NFIA: variants seen among roughly 807,000 people sequenced by gnomAD.
NFIA encodes the protein nuclear factor 1 A-type.
In NFIA, 8 loss-of-function variants were observed where a neutral mutation model predicts 62.8. The ratio of observed to expected loss-of-function variants is 0.13; its 90% confidence interval spans 0.07 to 0.23. NFIA has a LOEUF of 0.23. NFIA is among the 10% of genes least tolerant of loss of function. The pLI is 1.00. For synonymous variants in NFIA, 235 were observed against 238.1 expected, an observed-to-expected ratio of 0.99 and a Z score of 0.12; for missense variants, 410 against 642.1, an observed-to-expected ratio of 0.64 and a Z score of 3.91.
At position 61,139,103 on chromosome 1, in the gene NFIA, G is replaced by A. The variant is rs185452547; in HGVS notation, c.559+50423G>A. Among the ~76,000 whole-genome samples, 315 of 152,210 alleles carry A rather than the reference G, an allele frequency of 2.1e-3. 2 individuals carry two copies. The highest frequency in any genetic ancestry group is 7.1e-3 in the African/African-American group (297 of 41,564). On this transcript the variant is annotated intron_variant, in intron 2 of 10. Coordinates refer to ENST00000403491, the MANE Select transcript of NFIA (RefSeq NM_001134673.4). The stretch of plus-strand genomic sequence containing the variant: ...TGAAGCACAAGAACTGCTTGAACCC[G>A]GGAGGCGGAGGTTGCAGTGAGCTAA...
intron 2 of NFIA, among the ~76,000 whole-genome samples, chr1:61,264,209 A>C (rs1316250489): frequency 6.6e-6 from 1 of 152,148 alleles, no homozygotes; most frequent in African/African-American, 2.4e-5. Flanking sequence ...TTGAAAAGTG[A>C]ATCAGAGTAA....
chr1:61,088,559 T>C lies in NFIA; in HGVS notation c.438T>C (p.Asp146=). 1.2e-6 allele frequency: 2 copies of C among 1,614,194 alleles called. No individual in the cohort carries two copies. The highest frequency in any genetic ancestry group is 1.7e-6 in the Non-Finnish European group (2 of 1,180,026). ...LFKGIPLEST[D]GERLVKSPQC... Reference sequence around the variant, plus strand: ...AAGGTATTCCGCTGGAAAGTACTGATGGCGAGCGCCTTGTAAAGTCCCCAC... The same window carrying C: ...AAGGTATTCCGCTGGAAAGTACTGACGGCGAGCGCCTTGTAAAGTCCCCAC... Residue 146 remains aspartate (D), a synonymous_variant, in exon 2 of 11, where the codon GAT becomes GAC. Coordinates refer to ENST00000403491, the MANE Select transcript of NFIA (RefSeq NM_001134673.4). This position sits in a 1 kb window ranked among gnomAD's most constrained non-coding sequence, Gnocchi z 4.5.
At chr1:61,220,789 A>G (rs1464673762) in intron 2 of NFIA, among the ~76,000 whole-genome samples, 2 of 152,240 alleles carry the variant, frequency 1.3e-5, no homozygotes, top group East Asian at 3.8e-4. Context: ...AAAATACTGA[A>G]CAATAATCAT....
intron 2 of NFIA, among the ~76,000 whole-genome samples, chr1:61,210,500 A>G (rs992000201): frequency 2.0e-5 from 3 of 152,222 alleles, no homozygotes; most frequent in African/African-American, 7.2e-5. Flanking sequence ...AGCATGTACA[A>G]ATTTTCGTGG....
chr1:61,079,246 A>G (rs1646067763), upstream of NFIA, among the ~76,000 whole-genome samples: 5 of 152,240 alleles, frequency 3.3e-5, no homozygotes, highest in South Asian at 1.0e-3. Flanking sequence ...TAGTTTTGGT[A>G]AGAACTACAG....
upstream of NFIA, chr1:61,081,662 G>A (rs994637023): frequency 1.7e-4 from 84 of 494,282 alleles, no homozygotes; most frequent in Non-Finnish European, 2.8e-4. Flanking sequence ...GTCCTGGGAG[G>A]GATAACGCTC....
At chr1:61,338,696 A>G (rs191208510) in intron 4 of NFIA, among the ~76,000 whole-genome samples, 1 of 152,366 alleles carries the variant, frequency 6.6e-6, no homozygotes, top group African/African-American at 2.4e-5. Context: ...ACTTGAAAAT[A>G]CAAAATGTTC....
At chr1:61,082,037 C>T (rs1323559422), upstream of NFIA, 14 of 1,548,694 alleles carry the variant, frequency 9.0e-6, no homozygotes, top group South Asian at 1.2e-5. Context: ...TTGCCCAAGT[C>T]CTCCACCGAG....
At position 61,274,130 on chromosome 1, in the gene NFIA, T is replaced by C. The variant is rs768396278; in HGVS notation, c.560-3390T>C. 9.2e-5 allele frequency among the ~76,000 whole-genome samples: 14 copies of C among 152,230 alleles called. 1 individual carries two copies. The highest frequency in any genetic ancestry group is 6.5e-4 in the Admixed American group (10 of 15,284). On this transcript the variant is annotated intron_variant, in intron 2 of 10. Coordinates refer to ENST00000403491, the MANE Select transcript of NFIA (RefSeq NM_001134673.4). ...TTATTCCTTTCCCTAGTGATTACGT[T>C]GACAGTGAACTATCTTTGTCTGAGT...
intron 3 of NFIA, among the ~76,000 whole-genome samples, chr1:61,282,177 C>G (rs1203199198): frequency 6.6e-6 from 1 of 152,072 alleles, no homozygotes; most frequent in Non-Finnish European, 1.5e-5. Context: ...CCTGCCCGCC[C>G]CCACCCCCAC....
intron 3 of NFIA, among the ~76,000 whole-genome samples, chr1:61,283,183 C>T (rs759384579): frequency 2.6e-4 from 39 of 152,062 alleles, no homozygotes; most frequent in Non-Finnish European, 5.3e-4. Flanking sequence ...TCTTTTCATC[C>T]GTAATTGTTG....
intron 7 of NFIA, among the ~76,000 whole-genome samples, chr1:61,393,251 CT>C (rs1341532692): frequency 1.9e-5 from 1 of 52,908 alleles, no homozygotes; most frequent in Non-Finnish European, 3.1e-5. Context: ...CTCCCTCTCT[CT>C]CTCTCTCTCT....
At chr1:61,453,818 T>C (rs1010003114) in intron 10 of NFIA, among the ~76,000 whole-genome samples, 1 of 152,202 alleles carries the variant, frequency 6.6e-6, no homozygotes, top group African/African-American at 2.4e-5. Flanking sequence ...CCCCCTCTTC[T>C]TTCTTTTGTC....
At chr1:61,122,422 C>A (rs117976341) in intron 2 of NFIA, among the ~76,000 whole-genome samples, 2 of 152,148 alleles carry the variant, frequency 1.3e-5, no homozygotes, top group African/African-American at 4.8e-5. Flanking sequence ...AGAGTTTGCA[C>A]GGTGTTGCTG....
At chr1:61,453,504 A>T (rs1386294421) in intron 10 of NFIA, among the ~76,000 whole-genome samples, 1 of 123,262 alleles carries the variant, frequency 8.1e-6, no homozygotes, top group East Asian at 2.5e-4. Context: ...GGCACTGCAG[A>T]TTTTTGTAGT....
At chr1:61,290,502 C>G (rs766960388) in intron 3 of NFIA, among the ~76,000 whole-genome samples, 5 of 152,184 alleles carry the variant, frequency 3.3e-5, no homozygotes, top group Non-Finnish European at 7.3e-5. Flanking sequence ...CCCACATTCA[C>G]AGATCATGTT....
intron 10 of NFIA, among the ~76,000 whole-genome samples, chr1:61,444,168 T>C (rs1459852401): frequency 6.6e-6 from 1 of 152,210 alleles, no homozygotes; most frequent in African/African-American, 2.4e-5. Context: ...CTGAAACTCA[T>C]TGCACAGAAA....
At chr1:61,402,033 C>CTTTTTTTTTTTTTTTTTTTTT (rs10636290) in intron 7 of NFIA, among the ~76,000 whole-genome samples, 1 of 94,568 alleles carries the variant, frequency 1.1e-5, no homozygotes, top group African/African-American at 4.1e-5. Context: ...ACTCATTTTT[C>CTTTTTTTTTTTTTTTTTTTTT]TTTTTTTTTT....
intron 2 of NFIA, among the ~76,000 whole-genome samples, chr1:61,096,830 C>T (rs974630853): frequency 4.6e-5 from 7 of 151,896 alleles, no homozygotes; most frequent in African/African-American, 7.3e-5. Context: ...GGATTACAGG[C>T]GTGAGCCACC....
Sources: gnomAD v4.1 joint callset for allele counts (sites outside exome capture counted in the v4.1 genomes callset) on GRCh38, gnomAD v4.1.1 for gene constraint, Gnocchi (gnomAD v3.1) non-coding constraint, MANE v1.5 for transcripts, NCBI Gene and HGNC (gene_info 2026-07-23, HGNC 2026-07-21) for gene names.